The following BEND4 variants were observed in gnomAD, a reference collection of about 807,000 sequenced individuals.
The protein encoded by BEND4 is BEN domain containing 4.
In BEND4, 27 loss-of-function variants were observed where a neutral mutation model predicts 54.7. The observed-to-expected ratio is 0.49, with a 90% CI of 0.36 to 0.68. BEND4 has a LOEUF of 0.68. Ranked by LOEUF, BEND4 falls within the 30% of genes least tolerant of loss-of-function variation. The pLI is 0.00. For synonymous variants in BEND4, 327 were observed against 299.5 expected, an observed-to-expected ratio of 1.09 and a Z score of -0.95; for missense variants, 702 against 697.2, an observed-to-expected ratio of 1.01 and a Z score of -0.08.
chr4:42,134,127 T>C (rs1226728351), intron 3 of BEND4, among the ~76,000 whole-genome samples: 1 of 152,220 alleles, frequency 6.6e-6, no homozygotes, highest in Non-Finnish European at 1.5e-5. Flanking sequence ...GCTCAGATTC[T>C]GGTTTTGCCC....
chr4:42,117,456 C>A lies in BEND4; in HGVS notation c.*62G>T. 8.4e-7 allele frequency: 1 copy of A among 1,190,530 alleles called. No homozygotes were observed. Among genetic ancestry groups the A allele is most frequent in the Non-Finnish European group, 1.2e-6 (1 of 825,974 alleles). 73.7% of individuals were successfully genotyped at this position (1,190,530 alleles called of 1,614,324 possible). ...GCTTTGGACTCTCAGGTGACAGGAACAGGACATTCACAATTGGAACTCTTG... is the reference window on the plus strand; with the variant it reads ...GCTTTGGACTCTCAGGTGACAGGAAAAGGACATTCACAATTGGAACTCTTG... On this transcript the variant is annotated 3_prime_UTR_variant, in exon 6 of 6. Transcript: ENST00000502486.
At chr4:42,148,015 A>G (rs972915331) in intron 2 of BEND4, among the ~76,000 whole-genome samples, 1 of 152,210 alleles carries the variant, frequency 6.6e-6, no homozygotes, top group African/African-American at 2.4e-5. Flanking sequence ...GAAGGGTGAA[A>G]TATATTAATA....
chr4:42,152,280 G>T lies in BEND4; in HGVS notation c.-137C>A. 1.2e-6 allele frequency: 1 copy of T among 810,390 alleles called. No individual in the cohort carries two copies. The highest frequency in any genetic ancestry group is 1.6e-6 in the Non-Finnish European group (1 of 612,186). 50.2% of individuals were successfully genotyped at this position (810,390 alleles called of 1,614,324 possible). ...GAGGGTGTGTGTCTGTGCCGTGGCC[G>T]CCGCCGCCGCCGCCTGTCGCTGAGG... On this transcript the variant is annotated 5_prime_UTR_variant, in exon 2 of 6. Transcript: ENST00000502486.
intron 3 of BEND4, among the ~76,000 whole-genome samples, chr4:42,136,363 A>T (rs1245157822): frequency 1.3e-5 from 2 of 152,272 alleles, no homozygotes; most frequent in African/African-American, 4.8e-5. Flanking sequence ...GTGGACTAAC[A>T]TGATCAGAAC....
At chr4:42,139,767 A>G (rs1720822242) in intron 3 of BEND4, among the ~76,000 whole-genome samples, 1 of 152,064 alleles carries the variant, frequency 6.6e-6, no homozygotes, top group Non-Finnish European at 1.5e-5. Context: ...TGGCTGTAAA[A>G]AAGTGACTCC....
chr4:42,130,429 G>A (rs990220998), intron 3 of BEND4, among the ~76,000 whole-genome samples: 1 of 140,668 alleles, frequency 7.1e-6, no homozygotes, highest in South Asian at 2.2e-4. Flanking sequence ...GCAGTGAGCC[G>A]AGATCACGCC....
chr4:42,145,311 T>G (rs1721038316), intron 2 of BEND4, among the ~76,000 whole-genome samples: 1 of 152,180 alleles, frequency 6.6e-6, no homozygotes, highest in Non-Finnish European at 1.5e-5. Flanking sequence ...TTCCACTGTG[T>G]TCTTTTTTCT....
In BEND4 at chr4:42,152,235, G is replaced by C. The variant is rs1721330392; in HGVS notation, c.-92C>G. ...CCTCCGCCGCCTGCCCGCCGGGTCT[G>C]CCCTGGTGCGCGCGTGTGGGAGGGT... On this transcript the variant is annotated 5_prime_UTR_variant, in exon 2 of 6. Coordinates refer to ENST00000502486, the MANE Select transcript of BEND4 (RefSeq NM_207406.4). 1 of 1,177,402 alleles carries C rather than the reference G, an allele frequency of 8.5e-7. No homozygotes were observed. The highest frequency in any genetic ancestry group is 1.1e-6 in the Non-Finnish European group (1 of 938,700). The allele number at this position is 1,177,402 out of a possible 1,614,324, so 72.9% of individuals were successfully genotyped here.
Position 42,113,002 on chromosome 4 carries a change from CTA to C in BEND4, c.*4514_*4515del. ...CTTACATGACTGAAAGCAGCCATCACTATGTTTACAAAAATACATCATAATGA... is the reference window on the plus strand; with the variant it reads ...CTTACATGACTGAAAGCAGCCATCACTGTTTACAAAAATACATCATAATGA... On this transcript the variant is annotated 3_prime_UTR_variant, in exon 6 of 6. Coordinates refer to ENST00000502486, the MANE Select transcript of BEND4 (RefSeq NM_207406.4). The C allele has an allele frequency of 6.6e-6, 1 of 152,290 alleles. No homozygotes were observed. The highest frequency in any genetic ancestry group is 1.9e-4 in the East Asian group (1 of 5,190). The allele number at this position is 152,290 out of a possible 1,614,324, so 9.4% of individuals were successfully genotyped here.
rs966285051 is a variant in BEND4, at chr4:42,147,539, A to G, written c.488-3545T>C. Among the ~76,000 whole-genome samples, 4 of 141,334 alleles carry G rather than the reference A, an allele frequency of 2.8e-5. No homozygotes were observed. In the Admixed American group the frequency reaches 3.0e-4, roughly 11 times the overall value. The allele number at this position is 141,334 out of a possible 152,430, so 92.7% of individuals were successfully genotyped here. A position where few individuals can be genotyped will look rare whatever the true frequency, so the allele number is the denominator to read the frequency against. ...ATGCTCCACTCAAGTGATGGCAGGG[A>G]AAGAGAAAATCAACAGTTTACAGAA... On this transcript the variant is annotated intron_variant, in intron 2 of 5. Coordinates refer to ENST00000502486, the MANE Select transcript of BEND4 (RefSeq NM_207406.4).
At chr4:42,125,021 C>T (rs537294580) in intron 4 of BEND4, among the ~76,000 whole-genome samples, 9 of 152,270 alleles carry the variant, frequency 5.9e-5, no homozygotes, top group South Asian at 2.1e-4. Context: ...TCTCAAGTCT[C>T]GTATGAAAGT....
chr4:42,117,817 A>G, intron 5 of BEND4, 82 bp from the exon 6 acceptor site: 1 of 873,256 alleles, frequency 1.1e-6, no homozygotes, highest in Non-Finnish European at 1.8e-6. Context: ...CAGGCTGCTT[A>G]AACTTTAACA....
chr4:42,131,406 T>G (rs542356363), intron 3 of BEND4, among the ~76,000 whole-genome samples: 5 of 152,188 alleles, frequency 3.3e-5, no homozygotes, highest in Admixed American at 6.5e-5. Flanking sequence ...ATTGTGGGAT[T>G]AGGGTAGTTA....
chr4:42,114,879 G>C lies in BEND4; in HGVS notation c.*2639C>G, dbSNP rs1328485647. On this transcript the variant is annotated 3_prime_UTR_variant, in exon 6 of 6. Transcript: ENST00000502486. Reference sequence around the variant, plus strand: ...GGATATGTCCCAAGGAGAGGAGCCAGCAGTGTCCACAGTGATGCTGTATCA... The same window carrying C: ...GGATATGTCCCAAGGAGAGGAGCCACCAGTGTCCACAGTGATGCTGTATCA... The C allele has an allele frequency of 6.6e-6, 1 of 152,482 alleles. No individual in the cohort carries two copies. Among genetic ancestry groups the C allele is most frequent in the African/African-American group, 2.4e-5 (1 of 41,458 alleles). The allele number at this position is 152,482 out of a possible 1,614,324, so 9.4% of individuals were successfully genotyped here.
Position 42,151,696 on chromosome 4 carries a change from C to A in BEND4, c.448G>T (p.Gly150Cys). The A allele has an allele frequency of 6.7e-7, 1 of 1,502,438 alleles. No individual in the cohort carries two copies. The highest frequency in any genetic ancestry group is 8.9e-7 in the Non-Finnish European group (1 of 1,129,066). The allele number at this position is 1,502,438 out of a possible 1,614,324, so 93.1% of individuals were successfully genotyped here. A position where few individuals can be genotyped will look rare whatever the true frequency, so the allele number is the denominator to read the frequency against. Residue 150 changes from glycine to cysteine, a missense_variant, in exon 2 of 6, where the codon GGC (glycine) becomes TGC (cysteine). Physicochemically the swap from Gly to Cys is radical, Grantham distance 159. Coordinates refer to ENST00000502486, the MANE Select transcript of BEND4 (RefSeq NM_207406.4). ...PGAAAAAGTG[G>C]TGSDSASLEL... ...AGGCTGGCGCTGTCGCTACCCGTGCCGCCGGTGCCGGCGGCCGCCGCCGCG... is the reference window on the plus strand; with the variant it reads ...AGGCTGGCGCTGTCGCTACCCGTGCAGCCGGTGCCGGCGGCCGCCGCCGCG...
At position 42,114,925 on chromosome 4, in the gene BEND4, G is replaced by A. The variant is rs1277872498; in HGVS notation, c.*2593C>T. On this transcript the variant is annotated 3_prime_UTR_variant, in exon 6 of 6. Coordinates refer to ENST00000502486, the MANE Select transcript of BEND4 (RefSeq NM_207406.4). Reference sequence around the variant, plus strand: ...TATCACGGCCTCAGTGGCGGCTAGTGCCTGCGTCAGACGCTAGGCTTGGCT... The same window carrying A: ...TATCACGGCCTCAGTGGCGGCTAGTACCTGCGTCAGACGCTAGGCTTGGCT... 1 of 152,392 alleles carries A rather than the reference G, an allele frequency of 6.6e-6. No individual in the cohort carries two copies. The highest frequency in any genetic ancestry group is 1.5e-5 in the Non-Finnish European group (1 of 68,198). The allele number at this position is 152,392 out of a possible 1,614,324, so 9.4% of individuals were successfully genotyped here. A position where few individuals can be genotyped will look rare whatever the true frequency, so the allele number is the denominator to read the frequency against.
chr4:42,117,587 T>C lies in BEND4; in HGVS notation c.1536A>G (p.Glu512=). The C allele has an allele frequency of 6.2e-7, 1 of 1,613,310 alleles. No homozygotes were observed. ...CCTGAGAAGCCTGGTGATCGATCCC[T>C]TCATAAAATGAGCCACCGTTGTGCA... ...TFLHNGGSFY[E]GIDHQASQDE... Residue 512 remains glutamate, a synonymous_variant, in exon 6 of 6, where the codon GAA becomes GAG. Coordinates refer to ENST00000502486, the MANE Select transcript of BEND4 (RefSeq NM_207406.4).
intron 5 of BEND4, 131 bp from the exon 6 acceptor site, chr4:42,117,866 A>C (rs1719907633): frequency 1.1e-5 from 7 of 644,058 alleles, no homozygotes; most frequent in Admixed American, 6.2e-5. Flanking sequence ...AATCCAACGC[A>C]ATGCCATGAT....
intron 2 of BEND4, among the ~76,000 whole-genome samples, chr4:42,147,864 C>G (rs534162346): frequency 1.3e-5 from 2 of 152,196 alleles, no homozygotes; most frequent in Non-Finnish European, 2.9e-5. Flanking sequence ...ATCAAATAGT[C>G]TCCCTACTTT....
Sources: allele counts gnomAD v4.1 joint callset (sites outside exome capture counted in the v4.1 genomes callset), GRCh38; gene constraint gnomAD v4.1.1; transcripts MANE v1.5; gene names NCBI Gene and HGNC (gene_info 2026-07-23, HGNC 2026-07-21).